Variants in C9 observed in about 807,000 individuals in gnomAD.
C9 encodes the protein complement component C9.
In C9, 63 loss-of-function variants were observed where a neutral mutation model predicts 65.4. The observed-to-expected ratio is 0.96, with a 90% confidence interval of 0.79 to 1.19. The LOEUF (loss-of-function observed/expected upper bound fraction) is 1.19, where lower values mean the gene tolerates loss of function less well. Among genes scored for constraint, C9 ranks in the 50% most tolerant of loss-of-function variants. C9 has a pLI of 0.00. For missense variants in C9, 744 were observed against 670.1 expected, an observed-to-expected ratio of 1.11 and a Z score of -1.22; for synonymous variants, 229 against 227.9, an observed-to-expected ratio of 1.00 and a Z score of -0.04.
chr5:39,307,876 C>T (rs1443184836), intron 8 of C9, among the ~76,000 whole-genome samples: 1 of 152,132 alleles, frequency 6.6e-6, no homozygotes, highest in Non-Finnish European at 1.5e-5. Flanking sequence ...AATGGATGCA[C>T]GAACATTGTC....
intron 9 of C9, among the ~76,000 whole-genome samples, chr5:39,296,892 T>C (rs1753194331): frequency 6.6e-6 from 1 of 150,778 alleles, no homozygotes; most frequent in African/African-American, 2.4e-5. Flanking sequence ...AAAACTGATC[T>C]CATAGATGTA....
chr5:39,343,904 A>G (rs951127947), intron 1 of C9, among the ~76,000 whole-genome samples: 1 of 152,208 alleles, frequency 6.6e-6, no homozygotes, highest in Non-Finnish European at 1.5e-5. Flanking sequence ...ACTGATACCC[A>G]GCAAACACGG....
At chr5:39,341,094 G>A in intron 4 of C9, 52 bp downstream of exon 4, 1 of 1,579,132 alleles carries the variant, frequency 6.3e-7, no homozygotes. Flanking sequence ...TGAGAGAGAT[G>A]GAGATCATTT....
chr5:39,313,232 T>C (rs1286599614), intron 6 of C9, among the ~76,000 whole-genome samples: 1 of 152,198 alleles, frequency 6.6e-6, no homozygotes, highest in Non-Finnish European at 1.5e-5. Context: ...TATTCAGTTT[T>C]CTATACTGTA....
chr5:39,300,120 A>G (rs1431164607), intron 9 of C9, among the ~76,000 whole-genome samples: 2 of 152,138 alleles, frequency 1.3e-5, no homozygotes, highest in Non-Finnish European at 2.9e-5. Context: ...TATTTGTCAA[A>G]GATGAAAATA....
intron 5 of C9, among the ~76,000 whole-genome samples, chr5:39,323,635 A>G (rs1214106882): frequency 1.3e-5 from 2 of 151,802 alleles, no homozygotes; most frequent in African/African-American, 4.8e-5. Context: ...AAGATTAGAA[A>G]AACTCTCAAC....
At chr5:39,337,835 T>C (rs1437278539) in intron 4 of C9, among the ~76,000 whole-genome samples, 1 of 152,244 alleles carries the variant, frequency 6.6e-6, no homozygotes, top group Non-Finnish European at 1.5e-5. Context: ...GTGAGAGGCC[T>C]TCAAATGAAA....
chr5:39,353,140 G>A (rs1754353159), intron 1 of C9, among the ~76,000 whole-genome samples: 1 of 152,188 alleles, frequency 6.6e-6, no homozygotes, highest in South Asian at 2.1e-4. Context: ...AGGGCAATGA[G>A]CCAAGAAGCA....
intron 5 of C9, among the ~76,000 whole-genome samples, chr5:39,329,522 T>C (rs1753808494): frequency 6.6e-6 from 1 of 152,182 alleles, no homozygotes; most frequent in Non-Finnish European, 1.5e-5. Flanking sequence ...AGAGTGGCTC[T>C]AGAACCACAG....
At chr5:39,306,450 C>G (rs796313799) in intron 9 of C9, among the ~76,000 whole-genome samples, 167 bp downstream of exon 9, 1 of 152,210 alleles carries the variant, frequency 6.6e-6, no homozygotes, top group African/African-American at 2.4e-5. Context: ...TGGTCTGACT[C>G]TACACCATGC....
chr5:39,350,574 C>A (rs978192526), intron 1 of C9, among the ~76,000 whole-genome samples: 1 of 151,146 alleles, frequency 6.6e-6, no homozygotes, highest in African/African-American at 2.5e-5. Flanking sequence ...GGTAAATGCT[C>A]CCTTTCCAAA....
intron 9 of C9, among the ~76,000 whole-genome samples, chr5:39,289,486 T>C (rs1234935844): frequency 2.0e-5 from 3 of 151,512 alleles, no homozygotes. Context: ...GAAATTTTTG[T>C]AGAGGGAAGG....
intron 9 of C9, among the ~76,000 whole-genome samples, chr5:39,301,234 G>A (rs1753274989): frequency 6.6e-6 from 1 of 152,060 alleles, no homozygotes. Flanking sequence ...CTACTTGAAT[G>A]CTAAATTGGG....
At chr5:39,342,554 T>A (rs1554051102) in intron 1 of C9, among the ~76,000 whole-genome samples, 1 of 152,196 alleles carries the variant, frequency 6.6e-6, no homozygotes, top group Non-Finnish European at 1.5e-5. Context: ...AATCTGATTT[T>A]ATTTTTTTGT....
intron 9 of C9, among the ~76,000 whole-genome samples, chr5:39,292,529 T>C (rs1227855636): frequency 6.6e-6 from 1 of 151,802 alleles, no homozygotes; most frequent in African/African-American, 2.4e-5. Flanking sequence ...GAACTAAAAT[T>C]TGGACCTACA....
intron 10 of C9, 57 bp from the exon 11 acceptor site, chr5:39,285,290 C>T (rs1398748843): frequency 3.0e-6 from 4 of 1,340,150 alleles, no homozygotes; most frequent in Admixed American, 1.7e-5. Context: ...TACTTTGGGT[C>T]CATCCACCCA....
At chr5:39,298,892 A>G (rs2111859572) in intron 9 of C9, among the ~76,000 whole-genome samples, 1 of 151,990 alleles carries the variant, frequency 6.6e-6, no homozygotes, top group South Asian at 2.1e-4. Context: ...TTTGCTCAAA[A>G]TTTAAATAAT....
chr5:39,316,651 T>A (rs764135030), intron 5 of C9, among the ~76,000 whole-genome samples: 1 of 152,246 alleles, frequency 6.6e-6, no homozygotes, highest in South Asian at 2.1e-4. Context: ...TCCAGCTCCA[T>A]CCAAGTCCCT....
At chr5:39,298,996 ATGACAAAAATTC>A (rs1270977758) in intron 9 of C9, among the ~76,000 whole-genome samples, 14 of 151,928 alleles carry the variant, frequency 9.2e-5, no homozygotes, top group African/African-American at 3.1e-4. Context: ...ACATCTATTT[ATGACAAAAATTC>A]TGAGCAAACT....
Sources: gnomAD v4.1 joint callset for allele counts (sites outside exome capture counted in the v4.1 genomes callset) on GRCh38, gnomAD v4.1.1 for gene constraint, MANE v1.5 for transcripts, NCBI Gene and HGNC (gene_info 2026-07-23, HGNC 2026-07-21) for gene names.